SPIDR: variants seen among roughly 807,000 people sequenced by gnomAD.
The protein encoded by SPIDR is DNA repair-scaffolding protein.
SPIDR carries 93 observed loss-of-function variants against 104.6 expected under a neutral mutation model. That is an observed-to-expected ratio of 0.89 (90% CI 0.75 to 1.06). The LOEUF (loss-of-function observed/expected upper bound fraction) is 1.06. Among genes scored for constraint, SPIDR ranks in the 50% least tolerant of loss-of-function variants. The probability of loss-of-function intolerance (pLI) is 0.00; values close to 1 mark genes in which losing one functional copy is unlikely to be tolerated. For synonymous variants in SPIDR, 431 were observed against 416.9 expected (o/e 1.03, Z -0.41); for missense variants, 1,154 against 1,111.2 (o/e 1.04, Z -0.55).
intron 10 of SPIDR, among the ~76,000 whole-genome samples, chr8:47,653,000 C>T (rs114128426): frequency 6.6e-6 from 1 of 152,146 alleles, no homozygotes; most frequent in Non-Finnish European, 1.5e-5. Flanking sequence ...CTAATCTAGT[C>T]CCATACTGGA....
chr8:47,650,112 A>C (rs1395374184), intron 10 of SPIDR, among the ~76,000 whole-genome samples: 1 of 152,182 alleles, frequency 6.6e-6, no homozygotes, highest in African/African-American at 2.4e-5. Flanking sequence ...AGCCAGAACA[A>C]TCAGGCTACA....
At chr8:47,359,866 A>C (rs1554628674) in intron 5 of SPIDR, among the ~76,000 whole-genome samples, 1 of 152,216 alleles carries the variant, frequency 6.6e-6, no homozygotes, top group African/African-American at 2.4e-5. Context: ...ATTGGCTTCC[A>C]TGCTGTATTT....
rs199579615 is a variant in SPIDR, at chr8:47,603,403, C to CT, written c.1544+4215dup. 9.2e-3 allele frequency among the ~76,000 whole-genome samples: 1,399 copies of CT among 151,468 alleles called. 25 individuals carry two copies. The highest frequency in any genetic ancestry group is 0.031 in the African/African-American group (1,300 of 41,312). On this transcript the variant is annotated intron_variant, in intron 10 of 19. Transcript: ENST00000297423. ...CTAGGGACCAGTAATTTATTTTTTTCTTTTTTTTGAAACATGGTCTTGCTC... is the reference window on the plus strand; with the variant it reads ...CTAGGGACCAGTAATTTATTTTTTTCTTTTTTTTTGAAACATGGTCTTGCTC...
At chr8:47,300,362 C>G (rs1450074567) in intron 5 of SPIDR, among the ~76,000 whole-genome samples, 1 of 152,102 alleles carries the variant, frequency 6.6e-6, no homozygotes, top group African/African-American at 2.4e-5. Flanking sequence ...ATTAGTCTTG[C>G]TAGCAGTCTA....
In SPIDR at chr8:47,634,381, G is replaced by A. The variant is rs2067562474; in HGVS notation, c.1544+35185G>A. 2.6e-5 allele frequency among the ~76,000 whole-genome samples: 4 copies of A among 152,024 alleles called. No individual in the cohort carries two copies. The South Asian group carries it at 8.3e-4, about 32-fold the overall frequency. The stretch of plus-strand genomic sequence containing the variant: ...GCAGAGAATTGCTTGAACCCGGGAG[G>A]CAGAGGTTGTGGTGAGCCGAGATCA... On this transcript the variant is annotated intron_variant, in intron 10 of 19. Coordinates refer to ENST00000297423, the MANE Select transcript of SPIDR (RefSeq NM_001080394.4).
At chr8:47,503,090 G>T (rs1339096926) in intron 8 of SPIDR, among the ~76,000 whole-genome samples, 1 of 152,164 alleles carries the variant, frequency 6.6e-6, no homozygotes, top group Non-Finnish European at 1.5e-5. Context: ...GTGTGTTGTG[G>T]TGCTGAAAAG....
chr8:47,723,831 A>G (rs2083803157), intron 16 of SPIDR, among the ~76,000 whole-genome samples: 1 of 151,806 alleles, frequency 6.6e-6, no homozygotes, highest in Non-Finnish European at 1.5e-5. Context: ...CCTGCTTCAC[A>G]GGTAATGCAG....
chr8:47,347,653 A>G (rs369828453), intron 5 of SPIDR, among the ~76,000 whole-genome samples: 4 of 152,196 alleles, frequency 2.6e-5, no homozygotes, highest in Non-Finnish European at 5.9e-5. Context: ...GGGTGCATAC[A>G]TATTTAGGAT....
At chr8:47,293,843 C>T (rs1264903047) in intron 4 of SPIDR, 24 bp from the exon 5 acceptor site, 5 of 1,582,540 alleles carry the variant, frequency 3.2e-6, no homozygotes, top group Non-Finnish European at 3.5e-6. Context: ...GATAATTAAG[C>T]AAGTTAAAAA....
chr8:47,508,195 G>A (rs756668232), intron 8 of SPIDR, among the ~76,000 whole-genome samples: 2 of 152,160 alleles, frequency 1.3e-5, no homozygotes, highest in African/African-American at 4.8e-5. Context: ...GATGATTGAC[G>A]TTCCTATAGA....
chr8:47,472,588 G>A (rs1157779196), intron 8 of SPIDR, among the ~76,000 whole-genome samples: 2 of 152,228 alleles, frequency 1.3e-5, no homozygotes, highest in Admixed American at 6.5e-5. Context: ...GAGGTGAGAT[G>A]TGCTATTTTG....
At chr8:47,296,648 G>T (rs2040894246) in intron 5 of SPIDR, among the ~76,000 whole-genome samples, 1 of 152,046 alleles carries the variant, frequency 6.6e-6, no homozygotes, top group East Asian at 1.9e-4. Context: ...GTGCTGTTTT[G>T]GTTACATTAG....
rs1411585915 is a variant in SPIDR at position 47,492,604 on chromosome 8, T to TG, written c.1097+52063dup. On this transcript the variant is annotated intron_variant, in intron 8 of 19. Coordinates refer to ENST00000297423, the MANE Select transcript of SPIDR (RefSeq NM_001080394.4). ...CCCTTTTACCTCTTCTCTGAATCAT[T>TG]GCAATGGCCTTTAGCTGGTTACCTG... 4.6e-5 allele frequency among the ~76,000 whole-genome samples: 7 copies of TG among 152,200 alleles called. No homozygotes were observed. The South Asian group carries it at 1.0e-3, about 22-fold the overall frequency.
rs145227698 is a variant in SPIDR, at chr8:47,366,758, A to G, written c.526-29618A>G. On this transcript the variant is annotated intron_variant, in intron 5 of 19. Transcript: ENST00000297423. ...TTAAGTGCGTCTTGGGTATTTGCAA[A>G]GATGTATAGATTAAGGCTAAAAGGG... 2.0e-5 allele frequency among the ~76,000 whole-genome samples: 3 copies of G among 152,356 alleles called. No individual in the cohort carries two copies. In the East Asian group the frequency reaches 5.8e-4, roughly 29 times the overall value.
chr8:47,431,774 G>A (rs959085657), intron 7 of SPIDR, among the ~76,000 whole-genome samples: 4 of 152,178 alleles, frequency 2.6e-5, no homozygotes, highest in African/African-American at 9.7e-5. Flanking sequence ...GGCAAAAAAT[G>A]TGGAATCAAG....
intron 1 of SPIDR, among the ~76,000 whole-genome samples, chr8:47,265,996 C>T (rs948224604): frequency 6.6e-6 from 1 of 152,012 alleles, no homozygotes; most frequent in East Asian, 1.9e-4. Flanking sequence ...GTGATCTGCC[C>T]GCATCGACAT....
At position 47,503,335 on chromosome 8, in the gene SPIDR, T is replaced by C. The variant is rs191419964; in HGVS notation, c.1097+62793T>C. Among the ~76,000 whole-genome samples the C allele has an allele frequency of 7.2e-5, 11 of 152,310 alleles. 1 individual carries two copies. The East Asian group carries it at 2.1e-3, about 29-fold the overall frequency. ...TCTGGGTGCTCCTGTATTGGGTGCA[T>C]ATATATTTAGGATAGTTAGCTCTTC... On this transcript the variant is annotated intron_variant, in intron 8 of 19. Coordinates refer to ENST00000297423, the MANE Select transcript of SPIDR (RefSeq NM_001080394.4).
intron 19 of SPIDR, 76 bp downstream of exon 19, chr8:47,729,541 C>G: frequency 6.6e-7 from 1 of 1,506,402 alleles, no homozygotes; most frequent in Non-Finnish European, 8.9e-7. Flanking sequence ...AGAGGAAGCC[C>G]CCACTCCCAA....
At chr8:47,386,902 GAGATATAGATATAGATATAGATAT>G (rs201038403) in intron 5 of SPIDR, among the ~76,000 whole-genome samples, 43 of 99,404 alleles carry the variant, frequency 4.3e-4, no homozygotes, top group African/African-American at 1.4e-3. Context: ...AAGAGAGAGA[GAGATATAGATATAGATATAGATAT>G]AGATATAGAT....
Sources: allele counts gnomAD v4.1 joint callset (sites outside exome capture counted in the v4.1 genomes callset), GRCh38; gene constraint gnomAD v4.1.1; transcripts MANE v1.5; gene names NCBI Gene and HGNC (gene_info 2026-07-23, HGNC 2026-07-21).